The following ATP8A2 variants were observed in gnomAD, a reference collection of about 807,000 sequenced individuals.
ATP8A2 encodes the protein phospholipid-transporting ATPase IB.
Under a neutral mutation model 165.6 loss-of-function variants are expected in ATP8A2, and 100 were observed. That is an observed-to-expected ratio of 0.60 (90% confidence interval 0.51 to 0.71). The LOEUF is 0.71. ATP8A2 is among the 30% of genes least tolerant of loss of function. The pLI is 0.00. For missense variants in ATP8A2, 1,227 were observed against 1,479.5 expected, an observed-to-expected ratio of 0.83 and a Z score of 2.80; for synonymous variants, 543 against 548.8, an observed-to-expected ratio of 0.99 and a Z score of 0.15.
chr13:25,740,328 A>G (rs929263075), intron 25 of ATP8A2, among the ~76,000 whole-genome samples: 11 of 151,636 alleles, frequency 7.3e-5, no homozygotes, highest in South Asian at 4.2e-4. Context: ...AAAAAAAAAA[A>G]AGAGAAAGAC....
chr13:25,623,809 AT>A (rs2137471604), intron 24 of ATP8A2, among the ~76,000 whole-genome samples: 1 of 152,280 alleles, frequency 6.6e-6, no homozygotes, highest in South Asian at 2.1e-4. Context: ...GCATATCTAG[AT>A]GAGCATAAAT....
At chr13:25,475,019 C>T (rs1414387451) in intron 2 of ATP8A2, among the ~76,000 whole-genome samples, 1 of 152,038 alleles carries the variant, frequency 6.6e-6, no homozygotes, top group Admixed American at 6.6e-5. Flanking sequence ...GGAGTTTCAC[C>T]ATGTTTGTCA....
chr13:25,811,009 T>G (rs1379575350), intron 27 of ATP8A2, among the ~76,000 whole-genome samples: 3 of 152,128 alleles, frequency 2.0e-5, no homozygotes, highest in Non-Finnish European at 4.4e-5. Context: ...TATGGTATCT[T>G]AAGGGATGAA....
At chr13:25,892,030 A>G (rs967709168) in intron 33 of ATP8A2, among the ~76,000 whole-genome samples, 6 of 149,102 alleles carry the variant, frequency 4.0e-5, no homozygotes, top group Non-Finnish European at 7.4e-5. Flanking sequence ...TCTGTTGCCC[A>G]GGCTGGAGTG....
intron 2 of ATP8A2, among the ~76,000 whole-genome samples, chr13:25,478,882 T>G (rs984712533): frequency 1.3e-5 from 2 of 151,806 alleles, no homozygotes; most frequent in Non-Finnish European, 2.9e-5. Flanking sequence ...GGAGTCTTGC[T>G]GTGTCACCAG....
At chr13:25,450,601 G>T (rs577191034) in intron 1 of ATP8A2, among the ~76,000 whole-genome samples, 1 of 151,880 alleles carries the variant, frequency 6.6e-6, no homozygotes, top group Non-Finnish European at 1.5e-5. Flanking sequence ...GTGTGATCTC[G>T]GCTCACTGCA....
chr13:25,641,517 A>C (rs2041521068), intron 24 of ATP8A2, among the ~76,000 whole-genome samples: 1 of 152,218 alleles, frequency 6.6e-6, no homozygotes, highest in Admixed American at 6.5e-5. Flanking sequence ...TGCTTCAAAG[A>C]GAATAAAATA....
rs529802758 is a variant in ATP8A2, at chr13:25,547,103, C to T, written c.891+3701C>T. Among the ~76,000 whole-genome samples, 443 of 151,970 alleles carry T rather than the reference C, an allele frequency of 2.9e-3. 3 individuals carry two copies. The highest frequency in any genetic ancestry group is 5.5e-3 in the Non-Finnish European group (375 of 67,930). On this transcript the variant is annotated intron_variant, in intron 10 of 36. Transcript: ENST00000381655. The stretch of plus-strand genomic sequence containing the variant: ...CAAGATTGTGCTGCTGCCCTCCAGC[C>T]TGGGTGACAGAGCCAGGCTCCGTCT...
At chr13:25,824,563 G>C (rs1461984426) in intron 27 of ATP8A2, among the ~76,000 whole-genome samples, 1 of 152,090 alleles carries the variant, frequency 6.6e-6, no homozygotes, top group Non-Finnish European at 1.5e-5. Flanking sequence ...ATTCCAAGTT[G>C]TCTTGGAGCA....
intron 33 of ATP8A2, among the ~76,000 whole-genome samples, chr13:25,916,859 C>T (rs1954283224): frequency 1.3e-5 from 2 of 152,236 alleles, no homozygotes; most frequent in South Asian, 4.1e-4. Context: ...CTCCTCTTAT[C>T]TCTATTTATG....
At chr13:25,526,696 A>C (rs2037851880) in intron 2 of ATP8A2, among the ~76,000 whole-genome samples, 1 of 152,186 alleles carries the variant, frequency 6.6e-6, no homozygotes, top group East Asian at 1.9e-4. Flanking sequence ...TGGTGCTGCT[A>C]AGCAGACACT....
chr13:25,626,466 T>C (rs1333827390), intron 24 of ATP8A2, among the ~76,000 whole-genome samples: 2 of 152,194 alleles, frequency 1.3e-5, no homozygotes, highest in African/African-American at 4.8e-5. Flanking sequence ...TGTCTAATCC[T>C]AATTACCTCC....
intron 33 of ATP8A2, among the ~76,000 whole-genome samples, chr13:25,956,054 G>A (rs1377313910): frequency 6.6e-6 from 1 of 151,984 alleles, no homozygotes; most frequent in African/African-American, 2.4e-5. Flanking sequence ...TGCAGAAAAG[G>A]CCTTCAATAA....
At chr13:25,919,281 A>T (rs996797318) in intron 33 of ATP8A2, among the ~76,000 whole-genome samples, 7 of 152,174 alleles carry the variant, frequency 4.6e-5, no homozygotes, top group Non-Finnish European at 2.9e-5. Flanking sequence ...GCCTCCGCTA[A>T]AGCATCCAGC....
intron 24 of ATP8A2, among the ~76,000 whole-genome samples, chr13:25,682,498 C>T (rs565141440): frequency 5.9e-5 from 9 of 152,266 alleles, no homozygotes; most frequent in South Asian, 2.1e-4. Flanking sequence ...AAAGCTCATA[C>T]GAGAGTAATT....
intron 1 of ATP8A2, among the ~76,000 whole-genome samples, chr13:25,434,347 TCTC>T (rs1432722279): frequency 6.6e-6 from 1 of 150,746 alleles, no homozygotes; most frequent in African/African-American, 2.5e-5. Flanking sequence ...TTCTTTTCTC[TCTC>T]TTTTTTTTTG....
chr13:25,454,957 A>G (rs2035326346), intron 1 of ATP8A2, among the ~76,000 whole-genome samples: 1 of 152,166 alleles, frequency 6.6e-6, no homozygotes, highest in Non-Finnish European at 1.5e-5. Flanking sequence ...GGCTTTAACT[A>G]CTTGTAGAAT....
At chr13:25,671,242 C>G (rs890501855) in intron 24 of ATP8A2, among the ~76,000 whole-genome samples, 3 of 152,166 alleles carry the variant, frequency 2.0e-5, no homozygotes. Context: ...TTTAGTCTCT[C>G]AATCCTGTCA....
At chr13:25,468,751 C>T (rs1057108647) in intron 1 of ATP8A2, 17 of 836,446 alleles carry the variant, frequency 2.0e-5, no homozygotes, top group Admixed American at 1.3e-4. Context: ...GCGCCAGGGG[C>T]CGCGCGGGGC....
Sources: gnomAD v4.1 joint callset for allele counts (sites outside exome capture counted in the v4.1 genomes callset) on GRCh38, gnomAD v4.1.1 for gene constraint, MANE v1.5 for transcripts, NCBI Gene and HGNC (gene_info 2026-07-23, HGNC 2026-07-21) for gene names.